Variants in LRRK1 observed in about 807,000 individuals in gnomAD.
The protein encoded by LRRK1 is leucine-rich repeat serine/threonine-protein kinase 1.
LRRK1 carries 113 observed loss-of-function variants against 209.1 expected under a neutral mutation model. The ratio of observed to expected loss-of-function variants is 0.54; its 90% CI spans 0.46 to 0.63. The LOEUF is 0.63. Ranked by LOEUF, LRRK1 falls within the 30% of genes least tolerant of loss-of-function variation. LRRK1 has a pLI of 0.00. For synonymous variants in LRRK1, 1,144 were observed against 1,099.7 expected (o/e 1.04, Z -0.80); for missense variants, 2,284 against 2,632.2 (o/e 0.87, Z 2.89).
intron 2 of LRRK1, among the ~76,000 whole-genome samples, chr15:100,947,545 A>G (rs779015763): frequency 6.6e-6 from 1 of 152,184 alleles, no homozygotes; most frequent in Non-Finnish European, 1.5e-5. Context: ...GCTATCTTGA[A>G]AAGAACTTAT....
chr15:100,966,119 T>C (rs2030436990), intron 2 of LRRK1, among the ~76,000 whole-genome samples: 1 of 152,202 alleles, frequency 6.6e-6, no homozygotes, highest in African/African-American at 2.4e-5. Flanking sequence ...TAATCTCAAA[T>C]AGTATAAATG....
intron 6 of LRRK1, among the ~76,000 whole-genome samples, chr15:100,995,795 G>C (rs1222518497): frequency 6.6e-6 from 1 of 152,238 alleles, no homozygotes; most frequent in African/African-American, 2.4e-5. Flanking sequence ...AAGTAGAGCA[G>C]ACCTGAAATT....
intron 2 of LRRK1, among the ~76,000 whole-genome samples, chr15:100,962,825 T>A (rs11247247): frequency 0.015 from 148 of 9,900 alleles, no homozygotes; most frequent in East Asian, 0.086. Flanking sequence ...ATATATATAT[T>A]TTTTTTTTTT....
intron 15 of LRRK1, among the ~76,000 whole-genome samples, chr15:101,023,163 C>A (rs569367850): frequency 6.6e-6 from 1 of 152,144 alleles, no homozygotes; most frequent in African/African-American, 2.4e-5. Context: ...GGACTTAACA[C>A]CCTGCCGTCC....
chr15:101,054,827 A>G, intron 26 of LRRK1, 119 bp from the exon 27 acceptor site: 2 of 951,674 alleles, frequency 2.1e-6, no homozygotes, highest in African/African-American at 3.4e-5. Flanking sequence ...AAGAAAAAAG[A>G]AAAAAAATCA....
intron 2 of LRRK1, among the ~76,000 whole-genome samples, chr15:100,956,561 G>A (rs1596195988): frequency 1.3e-5 from 2 of 149,324 alleles, no homozygotes; most frequent in African/African-American, 5.0e-5. Context: ...CACCTCCCGG[G>A]TTCAAGCAAC....
chr15:100,941,304 G>GTGTGTGTGTGTGTGTCTC (rs1555458911), intron 2 of LRRK1, among the ~76,000 whole-genome samples: 1 of 114,680 alleles, frequency 8.7e-6, no homozygotes, highest in African/African-American at 4.1e-5. Context: ...GTGTGTCTAT[G>GTGTGTGTGTGTGTGTCTC]TGTGTGTGTC....
rs187476884 is a variant in LRRK1 at position 100,942,939 on chromosome 15, A to G, written c.97+18210A>G. ...CAACTCCCAGGGTTCTCCATCCGCC[A>G]GTGCTTACTGATCAACCCGTAGTGC... On this transcript the variant is annotated intron_variant, in intron 2 of 33. Transcript: ENST00000388948. 2.8e-3 allele frequency among the ~76,000 whole-genome samples: 419 copies of G among 152,328 alleles called. 5 individuals carry two copies. Among genetic ancestry groups the G allele is most frequent in the African/African-American group, 9.7e-3 (402 of 41,560 alleles).
chr15:100,962,823 A>ATATATATATTTTTTT lies in LRRK1; in HGVS notation c.98-10980_98-10979insATATATATTTTTTTT. Among the ~76,000 whole-genome samples, 2 of 11,544 alleles carry ATATATATATTTTTTT rather than the reference A, an allele frequency of 1.7e-4. 1 individual carries two copies. Among genetic ancestry groups the ATATATATATTTTTTT allele is most frequent in the Non-Finnish European group, 4.1e-4 (2 of 4,850 alleles). 7.6% of individuals were successfully genotyped at this position (11,544 alleles called of 152,430 possible). A position where few individuals can be genotyped will look rare whatever the true frequency, so the allele number is the denominator to read the frequency against. ...TATATATATATATATATATATATAT[A>ATATATATATTTTTTT]TTTTTTTTTTTTTTTTTGAGATGGA... On this transcript the variant is annotated intron_variant, in intron 2 of 33. Transcript: ENST00000388948.
intron 6 of LRRK1, among the ~76,000 whole-genome samples, chr15:101,004,790 G>A (rs903623179): frequency 3.3e-5 from 5 of 152,230 alleles, no homozygotes; most frequent in African/African-American, 1.2e-4. Context: ...TGTGGAGGAG[G>A]TGCTGAGAGG....
intron 2 of LRRK1, among the ~76,000 whole-genome samples, chr15:100,971,657 T>C (rs1342800353): frequency 6.6e-6 from 1 of 152,236 alleles, no homozygotes; most frequent in Non-Finnish European, 1.5e-5. Context: ...AGGGTGTCCA[T>C]CACCTGAATA....
chr15:101,066,919 G>A (rs1411500007), intron 33 of LRRK1, among the ~76,000 whole-genome samples, 178 bp downstream of exon 33: 2 of 152,240 alleles, frequency 1.3e-5, no homozygotes, highest in Non-Finnish European at 2.9e-5. Flanking sequence ...GCTCCTAGGG[G>A]CTCCGCACTG....
intron 20 of LRRK1, among the ~76,000 whole-genome samples, chr15:101,034,591 C>G (rs2034422549): frequency 6.6e-6 from 1 of 152,088 alleles, no homozygotes; most frequent in African/African-American, 2.4e-5. Flanking sequence ...TCTGGGTTCT[C>G]TATTTTGTTC....
chr15:100,986,271 G>A (rs2031863988), intron 4 of LRRK1, among the ~76,000 whole-genome samples: 1 of 151,994 alleles, frequency 6.6e-6, no homozygotes, highest in Non-Finnish European at 1.5e-5. Flanking sequence ...GGGATGAGAG[G>A]TTGATGGGAT....
chr15:100,997,218 A>C (rs2032462746), intron 6 of LRRK1, among the ~76,000 whole-genome samples: 1 of 152,230 alleles, frequency 6.6e-6, no homozygotes, highest in Non-Finnish European at 1.5e-5. Context: ...ATGAACATTA[A>C]AGCAAAATTA....
chr15:100,941,476 G>T (rs1347073211), intron 2 of LRRK1, among the ~76,000 whole-genome samples: 3 of 147,198 alleles, frequency 2.0e-5, no homozygotes, highest in African/African-American at 7.6e-5. Context: ...GTGTGTGTGT[G>T]TGTGTGTGTG....
At chr15:100,940,644 G>C (rs1220016715) in intron 2 of LRRK1, among the ~76,000 whole-genome samples, 4 of 152,144 alleles carry the variant, frequency 2.6e-5, no homozygotes, top group Non-Finnish European at 5.9e-5. Flanking sequence ...TTCTCTCCAA[G>C]ACATCAGTAA....
chr15:101,009,492 C>T (rs1197727750), intron 7 of LRRK1, among the ~76,000 whole-genome samples: 5 of 152,350 alleles, frequency 3.3e-5, no homozygotes, highest in Non-Finnish European at 7.3e-5. Flanking sequence ...GCAGTCCAGG[C>T]TTGCTTCTTC....
chr15:101,031,267 G>C (rs949996301), intron 20 of LRRK1, among the ~76,000 whole-genome samples: 1 of 152,188 alleles, frequency 6.6e-6, no homozygotes, highest in South Asian at 2.1e-4. Flanking sequence ...CGCCCTTCCA[G>C]TCGCTTCCCA....
Sources: allele counts gnomAD v4.1 joint callset (sites outside exome capture counted in the v4.1 genomes callset), GRCh38; gene constraint gnomAD v4.1.1; transcripts MANE v1.5; gene names NCBI Gene and HGNC (gene_info 2026-07-23, HGNC 2026-07-21).